The following TFPI variants were observed in gnomAD, a reference collection of about 807,000 sequenced individuals.
TFPI encodes tissue factor pathway inhibitor, also known as anti-convertin.
Under a neutral mutation model 34.6 loss-of-function variants are expected in TFPI, and 15 were observed. That is an observed-to-expected ratio of 0.43 (90% confidence interval 0.29 to 0.67). TFPI has a LOEUF of 0.67. Ranked by LOEUF, TFPI falls within the 30% of genes least tolerant of loss-of-function variation. TFPI has a pLI of 0.15. For missense variants in TFPI, 301 were observed against 364.0 expected (o/e 0.83, Z 1.41); for synonymous variants, 105 against 120.1 (o/e 0.87, Z 0.82).
At chr2:187,503,602 G>A (rs1260079531) in intron 2 of TFPI, 46 bp downstream of exon 2, 3 of 1,576,180 alleles carry the variant, frequency 1.9e-6, no homozygotes, top group Non-Finnish European at 2.6e-6. Context: ...GATTAAAATT[G>A]AGAGCTTTAA....
intron 1 of TFPI, chr2:187,519,787 A>C (rs897849775): frequency 6.6e-6 from 1 of 152,000 alleles, no homozygotes; most frequent in Non-Finnish European, 1.5e-5. Context: ...GGGAGATGGG[A>C]GTTTGATCTA....
At chr2:187,492,473 C>T (rs1266553058) in intron 3 of TFPI, among the ~76,000 whole-genome samples, 2 of 152,130 alleles carry the variant, frequency 1.3e-5, no homozygotes, top group African/African-American at 4.8e-5. Flanking sequence ...GAATAGAGTG[C>T]CCATTCACCA....
At chr2:187,491,780 A>G (rs1218063744) in intron 3 of TFPI, among the ~76,000 whole-genome samples, 2 of 152,154 alleles carry the variant, frequency 1.3e-5, no homozygotes, top group East Asian at 3.8e-4. Flanking sequence ...AAATCTCCAT[A>G]CTGTTTTCCA....
chr2:187,523,454 A>G (rs979340443), intron 1 of TFPI, among the ~76,000 whole-genome samples: 1 of 152,014 alleles, frequency 6.6e-6, no homozygotes, highest in Non-Finnish European at 1.5e-5. Context: ...ACTTATTTTC[A>G]ATGTTATTTA....
intron 6 of TFPI, among the ~76,000 whole-genome samples, chr2:187,476,263 A>G (rs1692371452): frequency 6.6e-6 from 1 of 152,004 alleles, no homozygotes; most frequent in South Asian, 2.1e-4. Flanking sequence ...CCCACTTTTG[A>G]TTAGATATAA....
intron 6 of TFPI, among the ~76,000 whole-genome samples, chr2:187,474,051 A>T (rs1692215536): frequency 6.6e-6 from 1 of 152,164 alleles, no homozygotes; most frequent in South Asian, 2.1e-4. Context: ...ATGTTTCTTC[A>T]GGGATTTGTC....
intron 1 of TFPI, among the ~76,000 whole-genome samples, chr2:187,536,611 A>G (rs1028268072): frequency 1.3e-5 from 2 of 152,176 alleles, no homozygotes; most frequent in Non-Finnish European, 2.9e-5. Context: ...ATTTATGACA[A>G]ACTCACTGCC....
intron 1 of TFPI, among the ~76,000 whole-genome samples, chr2:187,533,175 A>C (rs1164755275): frequency 1.3e-5 from 2 of 152,190 alleles, no homozygotes; most frequent in Non-Finnish European, 2.9e-5. Context: ...CCAGCTATGG[A>C]GCGAGCAGCG....
chr2:187,476,288 C>T (rs1459864408), intron 6 of TFPI, among the ~76,000 whole-genome samples: 1 of 152,080 alleles, frequency 6.6e-6, no homozygotes, highest in Non-Finnish European at 1.5e-5. Context: ...AAACTGGAAA[C>T]CCCACTCCAC....
chr2:187,553,625 T>G (rs1689172278), intron 1 of TFPI, among the ~76,000 whole-genome samples: 1 of 152,148 alleles, frequency 6.6e-6, no homozygotes, highest in Admixed American at 6.5e-5. Context: ...GTATTCTCGT[T>G]TAAGTATCTC....
intron 1 of TFPI, among the ~76,000 whole-genome samples, chr2:187,510,231 T>C (rs1239797806): frequency 1.3e-5 from 2 of 152,246 alleles, no homozygotes; most frequent in East Asian, 3.8e-4. Flanking sequence ...AGTCCTAATC[T>C]ATAACTTACA....
rs1691757367 is a variant in TFPI, at chr2:187,467,122, C to T, written c.809-80G>A. 7 of 928,212 alleles carry T rather than the reference C, an allele frequency of 7.5e-6. No homozygotes were observed. In the South Asian group the frequency reaches 8.2e-5, roughly 11 times the overall value. The allele number at this position is 928,212 out of a possible 1,614,324, so 57.5% of individuals were successfully genotyped here. Reference sequence around the variant, plus strand: ...TTTATCTAAAATCTTCTCAAAGTAACTTTTAATATTTAAATCCAAAAGATG... The same window carrying T: ...TTTATCTAAAATCTTCTCAAAGTAATTTTTAATATTTAAATCCAAAAGATG... On this transcript the variant is annotated intron_variant, in intron 7 of 7. Coordinates refer to ENST00000233156, the MANE Select transcript of TFPI (RefSeq NM_006287.6).
chr2:187,503,875 C>A, intron 1 of TFPI, 105 bp from the exon 2 acceptor site: 2 of 1,243,414 alleles, frequency 1.6e-6, no homozygotes, highest in East Asian at 2.4e-5. Context: ...ATTTCTATGC[C>A]ATTTTATGTG....
intron 4 of TFPI, among the ~76,000 whole-genome samples, chr2:187,487,528 G>A (rs1224354548): frequency 6.6e-6 from 1 of 151,082 alleles, no homozygotes; most frequent in South Asian, 2.1e-4. Context: ...TTCATGTTGC[G>A]GTCTTTCATG....
intron 1 of TFPI, among the ~76,000 whole-genome samples, chr2:187,506,841 C>A (rs1263574583): frequency 6.6e-6 from 1 of 152,110 alleles, no homozygotes; most frequent in African/African-American, 2.4e-5. Context: ...AAACACCTGA[C>A]TGGGGTAATG....
chr2:187,525,103 C>A (rs1687610765), intron 1 of TFPI, among the ~76,000 whole-genome samples: 1 of 152,042 alleles, frequency 6.6e-6, no homozygotes, highest in African/African-American at 2.4e-5. Context: ...AAAAGGAAGA[C>A]CTTTGAGACT....
chr2:187,464,989 A>G lies in TFPI; in HGVS notation c.*1947T>C, dbSNP rs1691646302. 1 of 152,212 alleles carries G rather than the reference A, an allele frequency of 6.6e-6. No homozygotes were observed. Among genetic ancestry groups the G allele is most frequent in the South Asian group, 2.1e-4 (1 of 4,832 alleles). The allele number at this position is 152,212 out of a possible 1,614,324, so 9.4% of individuals were successfully genotyped here. A position where few individuals can be genotyped will look rare whatever the true frequency, so the allele number is the denominator to read the frequency against. On this transcript the variant is annotated 3_prime_UTR_variant, in exon 8 of 8. Transcript: ENST00000233156. The stretch of plus-strand genomic sequence containing the variant: ...TTTAAACAGGAAATCAGTGTGAATT[A>G]GCTGAGTAATTAACATTCAGTGTAC...
In TFPI at chr2:187,504,165, ATTAT is replaced by A. The variant is rs1686039885; in HGVS notation, c.-2-399_-2-396del. ...TATTCTTTCTCAGTCAGAACCAATA[ATTAT>A]TTAGGCATTTTTCTATTATTTCTTT... On this transcript the variant is annotated intron_variant, in intron 1 of 7. Transcript: ENST00000233156. Among the ~76,000 whole-genome samples, 9 of 152,232 alleles carry A rather than the reference ATTAT, an allele frequency of 5.9e-5. 1 individual carries two copies. In the South Asian group the frequency reaches 1.7e-3, roughly 28 times the overall value.
rs907772635 is a variant in TFPI at position 187,491,140 on chromosome 2, T to C, written c.320-2765A>G. Among the ~76,000 whole-genome samples, 3 of 152,162 alleles carry C rather than the reference T, an allele frequency of 2.0e-5. No homozygotes were observed. In the East Asian group the frequency reaches 5.8e-4, roughly 29 times the overall value. On this transcript the variant is annotated intron_variant, in intron 3 of 7. Transcript: ENST00000233156. ...AAAGCCCTTATTTTAAGAAGTAGAT[T>C]ACTGATTGGCACTTTTTTTCTCTTT...
Sources: gnomAD v4.1 joint callset for allele counts (sites outside exome capture counted in the v4.1 genomes callset) on GRCh38, gnomAD v4.1.1 for gene constraint, MANE v1.5 for transcripts, NCBI Gene and HGNC (gene_info 2026-07-23, HGNC 2026-07-21) for gene names.